The following CADPS2 variants were observed in gnomAD, a reference collection of about 807,000 sequenced individuals.
The protein encoded by CADPS2 is calcium dependent secretion activator 2, also known as calcium-dependent secretion activator 2.
In CADPS2, 93 loss-of-function variants were observed where a neutral mutation model predicts 172.5. The ratio of observed to expected loss-of-function variants is 0.54; its 90% confidence interval spans 0.46 to 0.64. CADPS2 has a LOEUF of 0.64. Among genes scored for constraint, CADPS2 ranks in the 30% least tolerant of loss-of-function variants. CADPS2 has a pLI of 0.00. For synonymous variants in CADPS2, 546 were observed against 555.2 expected (o/e 0.98, Z 0.23); for missense variants, 1,420 against 1,565.9 (o/e 0.91, Z 1.57).
At chr7:122,463,032 G>A (rs1189885165) in intron 14 of CADPS2, among the ~76,000 whole-genome samples, 1 of 152,136 alleles carries the variant, frequency 6.6e-6, no homozygotes, top group Non-Finnish European at 1.5e-5. Flanking sequence ...CACCATGACA[G>A]TGGTAAATCA....
chr7:122,490,662 A>C (rs11971202), intron 10 of CADPS2, among the ~76,000 whole-genome samples: 3,974 of 152,204 alleles, frequency 0.026, 156 homozygotes, highest in African/African-American at 0.091. Flanking sequence ...TGATTAAGAC[A>C]AAAATGATAT....
intron 24 of CADPS2, among the ~76,000 whole-genome samples, chr7:122,384,298 C>T (rs1468730742): frequency 2.6e-5 from 4 of 151,974 alleles, no homozygotes; most frequent in East Asian, 3.9e-4. Flanking sequence ...TTTATCCCAG[C>T]GATGACAATA....
chr7:122,738,487 CA>C (rs2092301241), intron 1 of CADPS2, among the ~76,000 whole-genome samples: 2 of 151,492 alleles, frequency 1.3e-5, no homozygotes, highest in Non-Finnish European at 2.9e-5. Flanking sequence ...TAAGAAACAG[CA>C]AAGGAATGAT....
chr7:122,433,702 C>T (rs1437677658), intron 17 of CADPS2, among the ~76,000 whole-genome samples: 1 of 152,078 alleles, frequency 6.6e-6, no homozygotes, highest in African/African-American at 2.4e-5. Context: ...TGTGACTGGC[C>T]GATTTTTCTC....
At chr7:122,468,927 C>T (rs2055529486) in intron 14 of CADPS2, among the ~76,000 whole-genome samples, 1 of 152,138 alleles carries the variant, frequency 6.6e-6, no homozygotes, top group Admixed American at 6.5e-5. Flanking sequence ...CACCTCAATG[C>T]TGAATCAGAG....
chr7:122,531,178 G>A (rs533430610), intron 8 of CADPS2, among the ~76,000 whole-genome samples: 9 of 152,302 alleles, frequency 5.9e-5, no homozygotes, highest in African/African-American at 2.2e-4. Flanking sequence ...TTTCTCATTT[G>A]TTGTCCTTTA....
At chr7:122,600,632 G>A (rs1388762266) in intron 6 of CADPS2, among the ~76,000 whole-genome samples, 1 of 152,162 alleles carries the variant, frequency 6.6e-6, no homozygotes, top group Middle Eastern at 3.4e-3. Context: ...ACTATTAGTA[G>A]GGTATATGCT....
At chr7:122,861,650 T>C (rs1275610995) in intron 1 of CADPS2, among the ~76,000 whole-genome samples, 2 of 152,324 alleles carry the variant, frequency 1.3e-5, no homozygotes, top group East Asian at 3.9e-4. Flanking sequence ...ATTGTATATT[T>C]CAAAACAACT....
At chr7:122,464,720 C>A (rs894612780) in intron 14 of CADPS2, among the ~76,000 whole-genome samples, 8 of 152,106 alleles carry the variant, frequency 5.3e-5, no homozygotes, top group Non-Finnish European at 1.2e-4. Context: ...AAACACTTGA[C>A]TAGTACTCCT....
intron 9 of CADPS2, among the ~76,000 whole-genome samples, chr7:122,509,795 A>G (rs1425011243): frequency 6.6e-6 from 1 of 152,122 alleles, no homozygotes; most frequent in Non-Finnish European, 1.5e-5. Context: ...AATGGGTATA[A>G]TAATAATACC....
intron 8 of CADPS2, among the ~76,000 whole-genome samples, chr7:122,534,315 T>C (rs1037138353): frequency 1.3e-5 from 2 of 152,116 alleles, no homozygotes; most frequent in Non-Finnish European, 2.9e-5. Flanking sequence ...CAGTTCAAAA[T>C]AGGCTAAGCT....
chr7:122,606,827 TA>T (rs2073621926), intron 6 of CADPS2, among the ~76,000 whole-genome samples: 1 of 152,088 alleles, frequency 6.6e-6, no homozygotes, highest in African/African-American at 2.4e-5. Flanking sequence ...AAATGAAATT[TA>T]AGCAGAAAGA....
intron 20 of CADPS2, among the ~76,000 whole-genome samples, chr7:122,404,682 A>G (rs1052188058): frequency 6.6e-6 from 1 of 152,144 alleles, no homozygotes; most frequent in Non-Finnish European, 1.5e-5. Flanking sequence ...AATGATTACT[A>G]TTCTAACTGG....
chr7:122,329,628 TCTC>T (rs1339498228), intron 28 of CADPS2, among the ~76,000 whole-genome samples: 1 of 152,162 alleles, frequency 6.6e-6, no homozygotes, highest in Non-Finnish European at 1.5e-5. Context: ...TATGCACAAC[TCTC>T]CTTTTTACCT....
intron 12 of CADPS2, among the ~76,000 whole-genome samples, chr7:122,474,898 T>G (rs546244659): frequency 1.1e-4 from 17 of 152,308 alleles, no homozygotes; most frequent in Admixed American, 2.6e-4. Flanking sequence ...CCTAGGAGTC[T>G]GCTTTCCAAA....
intron 20 of CADPS2, among the ~76,000 whole-genome samples, chr7:122,403,525 T>C (rs2046223029): frequency 6.6e-6 from 1 of 152,178 alleles, no homozygotes; most frequent in Admixed American, 6.5e-5. Context: ...TGATATGTAG[T>C]CAATGTATAG....
chr7:122,488,128 TCAA>T (rs1353377169), intron 11 of CADPS2, among the ~76,000 whole-genome samples: 3 of 152,114 alleles, frequency 2.0e-5, no homozygotes, highest in South Asian at 2.1e-4. Context: ...AACTTGGTTT[TCAA>T]CAACAAGAAT....
At chr7:122,849,623 A>C (rs1812975010) in intron 1 of CADPS2, 1 of 251,768 alleles carries the variant, frequency 4.0e-6, no homozygotes, top group Non-Finnish European at 7.8e-6. Context: ...ATTGTTATTA[A>C]GCATTTATAT....
At chr7:122,499,905 G>A (rs1399611128) in intron 9 of CADPS2, among the ~76,000 whole-genome samples, 1 of 152,082 alleles carries the variant, frequency 6.6e-6, no homozygotes, top group African/African-American at 2.4e-5. Context: ...ACTAAAAAAA[G>A]TCACCTGACA....
Sources: gnomAD v4.1 joint callset for allele counts (sites outside exome capture counted in the v4.1 genomes callset) on GRCh38, gnomAD v4.1.1 for gene constraint, MANE v1.5 for transcripts, NCBI Gene and HGNC (gene_info 2026-07-23, HGNC 2026-07-21) for gene names.